The following DLG2 variants were observed in gnomAD, a reference collection of about 807,000 sequenced individuals.
DLG2 encodes the protein discs large MAGUK scaffold protein 2, also known as disks large homolog 2.
In DLG2, 45 loss-of-function variants were observed where a neutral mutation model predicts 132.5. The ratio of observed to expected loss-of-function variants is 0.34; its 90% CI spans 0.27 to 0.44. The LOEUF (loss-of-function observed/expected upper bound fraction) is 0.44, where lower values mean the gene tolerates loss of function less well. Among genes scored for constraint, DLG2 ranks in the 20% least tolerant of loss-of-function variants. The pLI, the probability that DLG2 is intolerant of heterozygous loss-of-function variation, is 1.00. For missense variants in DLG2, 1,045 were observed against 1,196.9 expected (o/e 0.87, Z 1.87); for synonymous variants, 424 against 419.6 (o/e 1.01, Z -0.13).
chr11:84,040,251 T>G (rs992541710), intron 11 of DLG2, among the ~76,000 whole-genome samples: 27 of 152,116 alleles, frequency 1.8e-4, no homozygotes, highest in African/African-American at 5.8e-4. Flanking sequence ...AATTTTGGCT[T>G]TTGTTGCCAT....
chr11:85,210,168 AT>A (rs1224906963), intron 4 of DLG2, among the ~76,000 whole-genome samples: 1 of 152,070 alleles, frequency 6.6e-6, no homozygotes, highest in African/African-American at 2.4e-5. Flanking sequence ...GTAAAGACAT[AT>A]TTTTTTGGGT....
chr11:83,957,298 G>A (rs576682205), intron 14 of DLG2, among the ~76,000 whole-genome samples: 30 of 152,244 alleles, frequency 2.0e-4, no homozygotes, highest in Admixed American at 5.9e-4. Context: ...AATAACAGTG[G>A]CAAATACTTA....
intron 11 of DLG2, among the ~76,000 whole-genome samples, chr11:83,981,779 C>T (rs1425477884): frequency 6.6e-6 from 1 of 152,148 alleles, no homozygotes; most frequent in Non-Finnish European, 1.5e-5. Flanking sequence ...ATTTTTATAA[C>T]ATGGCAGAAT....
rs35932645 is a variant in DLG2, at chr11:83,633,743, AACACACACACAC to A, written c.1826-430_1826-419del. On this transcript the variant is annotated intron_variant, in intron 18 of 27. Coordinates refer to ENST00000376104, the MANE Select transcript of DLG2 (RefSeq NM_001142699.3). ...CGTGTGATAAAATTACACAGAACTA[AACACACACACAC>A]ACACACACACACACACACACACACA... Among the ~76,000 whole-genome samples the A allele has an allele frequency of 3.2e-3, 453 of 143,292 alleles. 3 individuals carry two copies. The highest frequency in any genetic ancestry group is 0.011 in the African/African-American group (417 of 38,928). The allele number at this position is 143,292 out of a possible 152,430, so 94.0% of individuals were successfully genotyped here. A position where few individuals can be genotyped will look rare whatever the true frequency, so the allele number is the denominator to read the frequency against.
rs112626383 is a variant in DLG2, at chr11:85,048,206, A to G, written c.357+63455T>C. Among the ~76,000 whole-genome samples, 371 of 152,104 alleles carry G rather than the reference A, an allele frequency of 2.4e-3. 7 individuals are homozygous for G. Among genetic ancestry groups the G allele is most frequent in the African/African-American group, 8.6e-3 (359 of 41,534 alleles). On this transcript the variant is annotated intron_variant, in intron 6 of 27. Coordinates refer to ENST00000376104, the MANE Select transcript of DLG2 (RefSeq NM_001142699.3). Reference sequence around the variant, plus strand: ...TCAGACTAAAAATGACTAGATTTCAAGATTAATGAATGTTAACAAGAAAAC... The same window carrying G: ...TCAGACTAAAAATGACTAGATTTCAGGATTAATGAATGTTAACAAGAAAAC...
chr11:84,478,095 C>A (rs1013606953), intron 7 of DLG2, among the ~76,000 whole-genome samples: 1 of 152,106 alleles, frequency 6.6e-6, no homozygotes, highest in Non-Finnish European at 1.5e-5. Flanking sequence ...CCTCTCTAAA[C>A]CTCTATGTAC....
At chr11:83,588,580 C>A (rs751825368) in intron 19 of DLG2, among the ~76,000 whole-genome samples, 3 of 151,776 alleles carry the variant, frequency 2.0e-5, no homozygotes, top group Non-Finnish European at 4.4e-5. Context: ...AAAAGCAGAG[C>A]GCCTCTCCTC....
intron 3 of DLG2, among the ~76,000 whole-genome samples, chr11:85,436,198 A>G (rs1055961773): frequency 5.3e-5 from 8 of 152,334 alleles, no homozygotes; most frequent in Admixed American, 3.9e-4. Flanking sequence ...ACCCAAAACC[A>G]TAGACACCGT....
At chr11:84,536,346 A>G (rs915152057) in intron 6 of DLG2, among the ~76,000 whole-genome samples, 3 of 152,048 alleles carry the variant, frequency 2.0e-5, no homozygotes, top group Admixed American at 2.0e-4. Flanking sequence ...TTCAGTTATC[A>G]TCAGCCTCTC....
intron 3 of DLG2, among the ~76,000 whole-genome samples, chr11:85,393,467 A>G (rs2086985458): frequency 1.3e-5 from 2 of 152,284 alleles, no homozygotes; most frequent in South Asian, 4.1e-4. Flanking sequence ...CCACTCCTGG[A>G]TATCTACCCA....
chr11:84,167,481 A>G (rs1219635166), intron 8 of DLG2, among the ~76,000 whole-genome samples: 3 of 152,160 alleles, frequency 2.0e-5, no homozygotes, highest in Non-Finnish European at 4.4e-5. Context: ...TGATGATATA[A>G]TTTGATTTTG....
intron 6 of DLG2, among the ~76,000 whole-genome samples, chr11:85,085,280 C>T (rs1160765189): frequency 1.3e-5 from 2 of 152,106 alleles, no homozygotes; most frequent in Admixed American, 1.3e-4. Flanking sequence ...CCTATACAAG[C>T]CTTTTTAGTT....
At chr11:84,193,128 TA>T (rs1597127150) in intron 8 of DLG2, among the ~76,000 whole-genome samples, 1 of 152,238 alleles carries the variant, frequency 6.6e-6, no homozygotes, top group East Asian at 1.9e-4. Flanking sequence ...GGTACTGGGA[TA>T]TCTATTTGAC....
At chr11:84,827,922 T>C (rs187175716) in intron 6 of DLG2, among the ~76,000 whole-genome samples, 128 of 151,802 alleles carry the variant, frequency 8.4e-4, no homozygotes, top group Admixed American at 2.7e-3. Context: ...CTCATGGACA[T>C]AGGGAGTAGA....
intron 7 of DLG2, among the ~76,000 whole-genome samples, chr11:84,374,707 C>T (rs746938516): frequency 5.3e-5 from 8 of 152,146 alleles, no homozygotes; most frequent in Non-Finnish European, 1.2e-4. Flanking sequence ...TCTCTGCCTA[C>T]AGTCCCTTCC....
At chr11:84,147,842 T>C (rs1566703634) in intron 9 of DLG2, among the ~76,000 whole-genome samples, 1 of 152,160 alleles carries the variant, frequency 6.6e-6, no homozygotes, top group Non-Finnish European at 1.5e-5. Flanking sequence ...ACAAACAATG[T>C]CATCTTTAAA....
chr11:83,476,796 C>A (rs755766553), intron 22 of DLG2, among the ~76,000 whole-genome samples: 1 of 152,020 alleles, frequency 6.6e-6, no homozygotes, highest in Admixed American at 6.6e-5. Flanking sequence ...CTTGGAGCTT[C>A]GGCTTCCTCA....
At chr11:84,668,223 T>C (rs1044666073) in intron 6 of DLG2, among the ~76,000 whole-genome samples, 48 of 152,136 alleles carry the variant, frequency 3.2e-4, no homozygotes, top group African/African-American at 1.1e-3. Context: ...TTTCTGAGTC[T>C]ATACTTCTAT....
At chr11:83,483,677 G>GTGTT (rs1481789893) in intron 22 of DLG2, among the ~76,000 whole-genome samples, 7 of 152,148 alleles carry the variant, frequency 4.6e-5, no homozygotes, top group African/African-American at 1.2e-4. Flanking sequence ...TGCTCAGAAA[G>GTGTT]TGTTTAGTGT....
Sources: gnomAD v4.1 joint callset for allele counts (sites outside exome capture counted in the v4.1 genomes callset) on GRCh38, gnomAD v4.1.1 for gene constraint, MANE v1.5 for transcripts, NCBI Gene and HGNC (gene_info 2026-07-23, HGNC 2026-07-21) for gene names.